The following HEATR6 variants were observed in gnomAD, a reference collection of about 807,000 sequenced individuals.
HEATR6 encodes the protein HEAT repeat-containing protein 6.
In HEATR6, 106 loss-of-function variants were observed where a neutral mutation model predicts 132.8. The observed-to-expected ratio is 0.80, with a 90% CI of 0.68 to 0.94. HEATR6 has a LOEUF of 0.94. Among genes scored for constraint, HEATR6 ranks in the 40% least tolerant of loss-of-function variants. The pLI, the probability that HEATR6 is intolerant of heterozygous loss-of-function variation, is 0.00. For missense variants in HEATR6, 1,339 were observed against 1,425.1 expected (o/e 0.94, Z 0.97); for synonymous variants, 529 against 537.8 (o/e 0.98, Z 0.23).
At chr17:60,070,146 T>C (rs2083263379) in intron 6 of HEATR6, among the ~76,000 whole-genome samples, 1 of 152,248 alleles carries the variant, frequency 6.6e-6, no homozygotes, top group Non-Finnish European at 1.5e-5. Flanking sequence ...TTACTTTATC[T>C]GTCTATAATT....
intron 18 of HEATR6, among the ~76,000 whole-genome samples, chr17:60,046,927 T>C (rs1019880305): frequency 2.6e-5 from 4 of 152,180 alleles, no homozygotes; most frequent in Admixed American, 6.5e-5. Context: ...AATCCATGTA[T>C]GTCTGACCTA....
In HEATR6 at chr17:60,057,215, C is replaced by T. The variant is rs150674658; in HGVS notation, c.1912G>A (p.Glu638Lys). ...CCCTTAGGTGAGCTAACTGACGTTT[C>T]TTCCAGAGAGGGTCCTGCAGGGGCT... ...KKAPAGPSLE[E>K]TSVSSPKGSS... Residue 638 changes from glutamate to lysine, a missense_variant, in exon 12 of 20, where the codon GAA (glutamate) becomes AAA (lysine). Transcript: ENST00000184956. The T allele has an allele frequency of 1.9e-6, 3 of 1,614,078 alleles. No homozygotes were observed. In the African/African-American group the frequency reaches 4.0e-5, roughly 22 times the overall value.
At chr17:60,069,608 C>T (rs2083260410) in intron 7 of HEATR6, 103 bp downstream of exon 7, 1 of 1,094,446 alleles carries the variant, frequency 9.1e-7, no homozygotes, top group African/African-American at 1.6e-5. Context: ...AAATAAAATT[C>T]AAGGTAGGCT....
chr17:60,059,858 G>C (rs1460925216), intron 10 of HEATR6, 32 bp downstream of exon 10: 1 of 1,524,534 alleles, frequency 6.6e-7, no homozygotes, highest in East Asian at 2.2e-5. Context: ...AAACAGAGAA[G>C]CCTGCTCTGG....
Position 60,078,724 on chromosome 17 carries a change from T to C in HEATR6, c.191A>G (p.Tyr64Cys). 1 of 1,551,092 alleles carries C rather than the reference T, an allele frequency of 6.4e-7. No homozygotes were observed. Among genetic ancestry groups the C allele is most frequent in the Non-Finnish European group, 8.7e-7 (1 of 1,148,902 alleles). Residue 64 changes from tyrosine to cysteine, a missense_variant, in exon 1 of 20, where the codon TAC becomes TGC. Physicochemically the swap from Tyr to Cys is radical, Grantham distance 194 (BLOSUM62 -2). Transcript: ENST00000184956. ...LLFDQLISEN[Y>C]SEGSGVAPED... is the part of the protein sequence containing the mutation. ...CGGGGCCACGCCACTGCCCTCGCTGTAGTTCTCGGAGATGAGCTGATCGAA... is the reference window on the plus strand; with the variant it reads ...CGGGGCCACGCCACTGCCCTCGCTGCAGTTCTCGGAGATGAGCTGATCGAA...
chr17:60,071,380 TTGA>T (rs1390379340), intron 5 of HEATR6, among the ~76,000 whole-genome samples: 3 of 152,188 alleles, frequency 2.0e-5, no homozygotes, highest in African/African-American at 7.2e-5. Flanking sequence ...AACTTCAATT[TTGA>T]TGATTATGAT....
rs138750021 is a variant in HEATR6, at chr17:60,060,296, T to C, written c.1417-200A>G. 3.8e-4 allele frequency among the ~76,000 whole-genome samples: 58 copies of C among 152,338 alleles called. No homozygotes were observed. The East Asian group carries it at 0.011, about 28-fold the overall frequency. ...AAAAATCTTTATTTTATTTTTATTT[T>C]AGAGACACAGTCTCGCTCTGTCACC... On this transcript the variant is annotated intron_variant, in intron 9 of 19. Transcript: ENST00000184956.
rs368679829 is a variant in HEATR6 at position 60,042,380 on chromosome 17, T to C, written c.*1183A>G. Reference sequence around the variant, plus strand: ...TGCGTCCTGTGTGGCTGTGAGGCACTGTCAGCATCCTCGCGTCCTGTGCGG... The same window carrying C: ...TGCGTCCTGTGTGGCTGTGAGGCACCGTCAGCATCCTCGCGTCCTGTGCGG... On this transcript the variant is annotated 3_prime_UTR_variant, in exon 20 of 20. Transcript: ENST00000184956. 0.029 allele frequency among the ~76,000 whole-genome samples: 3,449 copies of C among 119,532 alleles called. 128 individuals carry two copies. The highest frequency in any genetic ancestry group is 0.11 in the African/African-American group (2,846 of 25,472). 78.4% of individuals were successfully genotyped at this position (119,532 alleles called of 152,430 possible).
chr17:60,078,663 C>A (rs1272413587), intron 1 of HEATR6, 33 bp downstream of exon 1: 1 of 1,506,500 alleles, frequency 6.6e-7, no homozygotes, highest in Non-Finnish European at 8.9e-7. Flanking sequence ...AGGGGTGGGG[C>A]CGGGGCCGGG....
chr17:60,066,430 T>C (rs748731586), intron 8 of HEATR6, 44 bp from the exon 9 acceptor site: 5 of 1,403,114 alleles, frequency 3.6e-6, no homozygotes, highest in Middle Eastern at 2.0e-4. Flanking sequence ...TAAAAAATCA[T>C]TTTTTTAAAA....
intron 19 of HEATR6, among the ~76,000 whole-genome samples, 163 bp from the exon 20 acceptor site, chr17:60,044,297 T>C (rs909790017): frequency 6.6e-6 from 1 of 152,220 alleles, no homozygotes; most frequent in Non-Finnish European, 1.5e-5. Context: ...GGTGACTGAC[T>C]GTAGGATCCT....
intron 1 of HEATR6, among the ~76,000 whole-genome samples, chr17:60,077,757 C>G (rs952491133): frequency 6.6e-6 from 1 of 152,154 alleles, no homozygotes; most frequent in East Asian, 1.9e-4. Flanking sequence ...TGGAGAGGAG[C>G]TAGACAGGAG....
chr17:60,063,109 C>T (rs911234238), intron 9 of HEATR6: 2 of 152,236 alleles, frequency 1.3e-5, no homozygotes, highest in African/African-American at 4.8e-5. Flanking sequence ...TTTGCTAATA[C>T]ACTAAGCAAA....
chr17:60,048,200 G>A (rs1009075130), intron 17 of HEATR6, 64 bp downstream of exon 17: 13 of 1,552,376 alleles, frequency 8.4e-6, no homozygotes, highest in Admixed American at 3.5e-5. Flanking sequence ...GGTAGAGATC[G>A]AGGACATTCT....
chr17:60,076,463 G>T, intron 1 of HEATR6: 1 of 451,754 alleles, frequency 2.2e-6, no homozygotes, highest in Non-Finnish European at 4.0e-6. Context: ...TTCTTCCGGA[G>T]GTCAAAGCGG....
chr17:60,075,529 C>G (rs2083291889), intron 2 of HEATR6: 1 of 152,032 alleles, frequency 6.6e-6, no homozygotes, highest in South Asian at 2.1e-4. Context: ...CCTGCTGTCC[C>G]CTTGGCCCCA....
At chr17:60,063,296 C>T (rs1389098754) in intron 9 of HEATR6, 1 of 152,134 alleles carries the variant, frequency 6.6e-6, no homozygotes, top group African/African-American at 2.4e-5. Flanking sequence ...ATTTGTAAAT[C>T]AGGATAATTC....
At chr17:60,057,027 T>A (rs758350173) in intron 12 of HEATR6, 21 bp downstream of exon 12, 1 of 1,504,012 alleles carries the variant, frequency 6.6e-7, no homozygotes, top group Admixed American at 2.0e-5. Context: ...ATTTCAGAGA[T>A]GAGGAAATGA....
intron 2 of HEATR6, chr17:60,074,222 A>G (rs1344897738): frequency 1.6e-6 from 1 of 640,558 alleles, no homozygotes; most frequent in African/African-American, 2.0e-5. Context: ...CCTTATACAT[A>G]ATAAACACTC....
Sources: gnomAD v4.1 joint callset for allele counts (sites outside exome capture counted in the v4.1 genomes callset) on GRCh38, gnomAD v4.1.1 for gene constraint, MANE v1.5 for transcripts, NCBI Gene and HGNC (gene_info 2026-07-23, HGNC 2026-07-21) for gene names.